The following KCNC2 variants were observed in gnomAD, a reference collection of about 807,000 sequenced individuals.
KCNC2 encodes voltage-gated potassium channel KCNC2.
A neutral mutation model predicts 44.5 loss-of-function variants in KCNC2; 21 were observed. The ratio of observed to expected loss-of-function variants is 0.47; its 90% confidence interval spans 0.33 to 0.68. The LOEUF (loss-of-function observed/expected upper bound fraction) is 0.68, where lower values mean the gene tolerates loss of function less well. Ranked by LOEUF, KCNC2 falls within the 30% of genes least tolerant of loss-of-function variation. KCNC2 has a pLI of 0.01. For missense variants in KCNC2, 589 were observed against 826.2 expected, an observed-to-expected ratio of 0.71 and a Z score of 3.52; for synonymous variants, 391 against 339.1, an observed-to-expected ratio of 1.15 and a Z score of -1.68.
At chr12:75,173,241 A>G (rs1891953322) in intron 2 of KCNC2, among the ~76,000 whole-genome samples, 1 of 151,922 alleles carries the variant, frequency 6.6e-6, no homozygotes, top group Non-Finnish European at 1.5e-5. Context: ...GTATTAGATT[A>G]GTTAAATCCA....
At chr12:75,101,071 T>A (rs1332440508) in intron 2 of KCNC2, among the ~76,000 whole-genome samples, 1 of 152,104 alleles carries the variant, frequency 6.6e-6, no homozygotes, top group African/African-American at 2.4e-5. Context: ...GCAGACTCAC[T>A]TGCCATTTTG....
intron 2 of KCNC2, among the ~76,000 whole-genome samples, chr12:75,078,906 A>G (rs1037890911): frequency 6.6e-6 from 1 of 152,324 alleles, no homozygotes; most frequent in South Asian, 2.1e-4. Context: ...GAATACTTTA[A>G]TTACGGTAGG....
At chr12:75,131,265 T>A (rs530034103) in intron 2 of KCNC2, among the ~76,000 whole-genome samples, 1 of 152,178 alleles carries the variant, frequency 6.6e-6, no homozygotes, top group Non-Finnish European at 1.5e-5. Flanking sequence ...AAAGTACATA[T>A]GAACTTTATA....
At chr12:75,160,172 A>T (rs1358928374) in intron 2 of KCNC2, among the ~76,000 whole-genome samples, 1 of 151,720 alleles carries the variant, frequency 6.6e-6, no homozygotes, top group African/African-American at 2.4e-5. Flanking sequence ...AATCCCATAT[A>T]ATTGCCACCC....
chr12:75,114,425 A>G (rs1197341329), intron 2 of KCNC2, among the ~76,000 whole-genome samples: 1 of 152,226 alleles, frequency 6.6e-6, no homozygotes, highest in East Asian at 1.9e-4. Flanking sequence ...GTAACATCTA[A>G]TAAATACCAA....
chr12:75,160,187 A>G (rs1389492285), intron 2 of KCNC2, among the ~76,000 whole-genome samples: 2 of 151,740 alleles, frequency 1.3e-5, no homozygotes, highest in African/African-American at 4.8e-5. Context: ...CCACCCTTAT[A>G]AGAAGAAGAA....
chr12:75,133,419 A>G (rs1457363530), intron 2 of KCNC2, among the ~76,000 whole-genome samples: 1 of 151,812 alleles, frequency 6.6e-6, no homozygotes, highest in Non-Finnish European at 1.5e-5. Context: ...TATCCATAAA[A>G]ATTTTAAAAG....
chr12:75,095,741 C>T (rs973101451), intron 2 of KCNC2, among the ~76,000 whole-genome samples: 1 of 151,862 alleles, frequency 6.6e-6, no homozygotes, highest in Non-Finnish European at 1.5e-5. Context: ...GGAAAACAAT[C>T]ACCTTAAAAA....
At chr12:75,123,805 A>G (rs938804917) in intron 2 of KCNC2, among the ~76,000 whole-genome samples, 3 of 152,212 alleles carry the variant, frequency 2.0e-5, no homozygotes, top group African/African-American at 7.2e-5. Flanking sequence ...AGAAAACAGG[A>G]GAAACTTCAA....
At chr12:75,051,365 A>G (rs1333561641) in intron 2 of KCNC2, 48 bp from the exon 3 acceptor site, 1 of 1,025,256 alleles carries the variant, frequency 9.8e-7, no homozygotes, top group South Asian at 1.7e-5. Flanking sequence ...CTGAATCGTA[A>G]TATATGTTGA....
chr12:75,117,212 C>T (rs181726941), intron 2 of KCNC2, among the ~76,000 whole-genome samples: 6 of 152,192 alleles, frequency 3.9e-5, no homozygotes, highest in South Asian at 2.1e-4. Context: ...TTATGCTTTC[C>T]GACGCTTTGA....
intron 3 of KCNC2, among the ~76,000 whole-genome samples, chr12:75,048,879 A>G (rs922581104): frequency 2.0e-5 from 3 of 152,128 alleles, no homozygotes; most frequent in African/African-American, 7.2e-5. Flanking sequence ...AACAAGGCCA[A>G]CTTCTCCAAA....
intron 2 of KCNC2, among the ~76,000 whole-genome samples, chr12:75,073,224 C>A (rs1378194762): frequency 6.6e-6 from 1 of 152,068 alleles, no homozygotes; most frequent in Non-Finnish European, 1.5e-5. Context: ...GCCGGAATAA[C>A]AATAATATTG....
chr12:75,114,394 A>G (rs1402436753), intron 2 of KCNC2, among the ~76,000 whole-genome samples: 1 of 152,190 alleles, frequency 6.6e-6, no homozygotes, highest in Non-Finnish European at 1.5e-5. Flanking sequence ...GGCATTATTC[A>G]TTTACTTGAC....
intron 2 of KCNC2, among the ~76,000 whole-genome samples, chr12:75,130,035 C>T (rs762708841): frequency 2.0e-5 from 3 of 152,144 alleles, no homozygotes; most frequent in Non-Finnish European, 4.4e-5. Flanking sequence ...TCTGTTTACC[C>T]TTCAGGGTCA....
intron 2 of KCNC2, among the ~76,000 whole-genome samples, chr12:75,137,351 A>C (rs1889304984): frequency 6.6e-6 from 1 of 152,180 alleles, no homozygotes. Context: ...GACATTTTAC[A>C]ACTGCATCTG....
intron 2 of KCNC2, among the ~76,000 whole-genome samples, chr12:75,062,149 C>T (rs1242503058): frequency 5.3e-5 from 8 of 152,040 alleles, no homozygotes; most frequent in African/African-American, 1.9e-4. Flanking sequence ...ACTCATTTTA[C>T]AGAAAAGCAA....
intron 2 of KCNC2, among the ~76,000 whole-genome samples, chr12:75,095,288 A>G (rs1885827520): frequency 6.6e-6 from 1 of 151,804 alleles, no homozygotes; most frequent in African/African-American, 2.4e-5. Flanking sequence ...TCTTAGTTAG[A>G]TCAAATTCAT....
At chr12:75,101,814 T>G (rs1018081720) in intron 2 of KCNC2, among the ~76,000 whole-genome samples, 2 of 152,044 alleles carry the variant, frequency 1.3e-5, no homozygotes, top group African/African-American at 4.8e-5. Flanking sequence ...ATATATACAT[T>G]CCTCTGTGGC....
Sources: allele counts gnomAD v4.1 joint callset (sites outside exome capture counted in the v4.1 genomes callset), GRCh38; gene constraint gnomAD v4.1.1; transcripts MANE v1.5; gene names NCBI Gene and HGNC (gene_info 2026-07-23, HGNC 2026-07-21).